The following AP1S3 variants were observed in gnomAD, a reference collection of about 807,000 sequenced individuals.
The protein encoded by AP1S3 is AP-1 complex subunit sigma-3.
Under a neutral mutation model 20.9 loss-of-function variants are expected in AP1S3, and 10 were observed. The ratio of observed to expected loss-of-function variants is 0.48; its 90% CI spans 0.29 to 0.81. The LOEUF (loss-of-function observed/expected upper bound fraction) is 0.81, where lower values mean the gene tolerates loss of function less well. AP1S3 is among the 30% of genes least tolerant of loss of function. The pLI is 0.08. For synonymous variants in AP1S3, 41 were observed against 61.5 expected (o/e 0.67, Z 1.56); for missense variants, 154 against 183.8 (o/e 0.84, Z 0.94).
At chr2:223,812,724 G>A (rs918890139) in intron 1 of AP1S3, among the ~76,000 whole-genome samples, 1 of 152,116 alleles carries the variant, frequency 6.6e-6, no homozygotes, top group Admixed American at 6.5e-5. Context: ...AGGTATTCAG[G>A]GATTCCATAA....
intron 1 of AP1S3, among the ~76,000 whole-genome samples, chr2:223,795,344 G>A (rs969248629): frequency 2.0e-5 from 3 of 152,342 alleles, no homozygotes; most frequent in Admixed American, 1.3e-4. Flanking sequence ...CATGCTCTGG[G>A]TAGAAATAAG....
rs574514460 is a variant in AP1S3, at chr2:223,792,875, AAAAC to A, written c.4-15010_4-15007del. Among the ~76,000 whole-genome samples, 54 of 152,314 alleles carry A rather than the reference AAAAC, an allele frequency of 3.5e-4. No individual in the cohort carries two copies. The Middle Eastern group carries it at 0.014, about 38-fold the overall frequency. ...CAAGGAACTTAAACAAATTTACAAG[AAAAC>A]AAACAAACAAACAAACCCATTAAAG... On this transcript the variant is annotated intron_variant, in intron 1 of 4. Transcript: ENST00000396654.
At chr2:223,820,231 C>T (rs974663602) in intron 1 of AP1S3, among the ~76,000 whole-genome samples, 1 of 152,056 alleles carries the variant, frequency 6.6e-6, no homozygotes, top group African/African-American at 2.4e-5. Flanking sequence ...GTCTTTTTCC[C>T]AGTGATTTAC....
At chr2:223,777,399 A>C (rs753393644) in intron 2 of AP1S3, among the ~76,000 whole-genome samples, 3 of 151,994 alleles carry the variant, frequency 2.0e-5, no homozygotes, top group Non-Finnish European at 4.4e-5. Context: ...CGCCTCCAAC[A>C]AATTAAAAAA....
chr2:223,781,699 G>A (rs926962700), intron 1 of AP1S3, among the ~76,000 whole-genome samples: 1 of 151,994 alleles, frequency 6.6e-6, no homozygotes, highest in African/African-American at 2.4e-5. Context: ...GACACTCTAC[G>A]AGCATAAAAT....
At chr2:223,760,350 C>T (rs973877044) in intron 4 of AP1S3, among the ~76,000 whole-genome samples, 12 of 152,178 alleles carry the variant, frequency 7.9e-5, no homozygotes, top group Admixed American at 3.3e-4. Flanking sequence ...CTGAAGATAC[C>T]AAGGCTACTG....
At chr2:223,783,599 C>T (rs959410869) in intron 1 of AP1S3, among the ~76,000 whole-genome samples, 100 of 152,216 alleles carry the variant, frequency 6.6e-4, no homozygotes, top group Non-Finnish European at 2.9e-4. Context: ...GCTGAGTCTG[C>T]GCCCTGGCCG....
chr2:223,803,138 A>G (rs1170019184), intron 1 of AP1S3, among the ~76,000 whole-genome samples: 1 of 152,192 alleles, frequency 6.6e-6, no homozygotes, highest in Non-Finnish European at 1.5e-5. Flanking sequence ...ACTGAGTAAG[A>G]AGTGTTGTTT....
At chr2:223,776,373 G>A (rs1231484188) in intron 2 of AP1S3, among the ~76,000 whole-genome samples, 1 of 152,178 alleles carries the variant, frequency 6.6e-6, no homozygotes, top group South Asian at 2.1e-4. Context: ...GCTGTCAGGA[G>A]CCCACGCTCC....
intron 1 of AP1S3, among the ~76,000 whole-genome samples, chr2:223,807,040 A>C (rs540770385): frequency 6.6e-6 from 1 of 152,136 alleles, no homozygotes; most frequent in Non-Finnish European, 1.5e-5. Flanking sequence ...CCAAGGTGGG[A>C]GGATTGCTTG....
At chr2:223,781,355 C>T (rs1481538394) in intron 1 of AP1S3, among the ~76,000 whole-genome samples, 1 of 151,632 alleles carries the variant, frequency 6.6e-6, no homozygotes, top group Non-Finnish European at 1.5e-5. Flanking sequence ...TCATCAGCAG[C>T]TTTAAAAAAA....
At chr2:223,829,392 C>G (rs1343263042) in intron 1 of AP1S3, among the ~76,000 whole-genome samples, 1 of 151,970 alleles carries the variant, frequency 6.6e-6, no homozygotes, top group African/African-American at 2.4e-5. Flanking sequence ...TTTGGGAGAC[C>G]AAGGCGGGAG....
chr2:223,804,452 A>G (rs953685413), intron 1 of AP1S3, among the ~76,000 whole-genome samples: 1 of 152,114 alleles, frequency 6.6e-6, no homozygotes, highest in Non-Finnish European at 1.5e-5. Flanking sequence ...TAATCCCAGC[A>G]CCTTGGGAGG....
At position 223,788,534 on chromosome 2, in the gene AP1S3, A is replaced by G. The variant is rs184773655; in HGVS notation, c.4-10665T>C. 3.7e-3 allele frequency among the ~76,000 whole-genome samples: 562 copies of G among 150,552 alleles called. 8 individuals carry two copies. The highest frequency in any genetic ancestry group is 0.013 in the African/African-American group (525 of 41,056). ...TTTGGGAGGCTGAGGTGGGTGGATCACAAGTTCAGGAGATCGAGACCATCC... is the reference window on the plus strand; with the variant it reads ...TTTGGGAGGCTGAGGTGGGTGGATCGCAAGTTCAGGAGATCGAGACCATCC... On this transcript the variant is annotated intron_variant, in intron 1 of 4. Coordinates refer to ENST00000396654, the MANE Select transcript of AP1S3 (RefSeq NM_001039569.2).
chr2:223,786,709 C>G (rs1691086675), intron 1 of AP1S3, among the ~76,000 whole-genome samples: 1 of 152,026 alleles, frequency 6.6e-6, no homozygotes, highest in South Asian at 2.1e-4. Context: ...CAAAACCAGT[C>G]TGGGCAACAT....
chr2:223,828,699 C>T (rs12468846), intron 1 of AP1S3, among the ~76,000 whole-genome samples: 24,576 of 152,046 alleles, frequency 0.16, 2,543 homozygotes, highest in East Asian at 0.41. Flanking sequence ...TCTCTGAGGC[C>T]CAGACCCATG....
chr2:223,792,958 C>T (rs1691244015), intron 1 of AP1S3, among the ~76,000 whole-genome samples: 1 of 151,784 alleles, frequency 6.6e-6, no homozygotes, highest in Admixed American at 6.6e-5. Context: ...ATGTAGCCAA[C>T]AAACATGAAA....
chr2:223,811,138 G>A (rs972089301), intron 1 of AP1S3, among the ~76,000 whole-genome samples: 1 of 151,476 alleles, frequency 6.6e-6, no homozygotes, highest in African/African-American at 2.4e-5. Flanking sequence ...TGTTGCCCAG[G>A]CTGGAGTGCA....
chr2:223,781,764 G>A (rs1037352243), intron 1 of AP1S3, among the ~76,000 whole-genome samples: 5 of 152,044 alleles, frequency 3.3e-5, no homozygotes, highest in Admixed American at 6.6e-5. Context: ...ATCACGGTGC[G>A]TAAGATTATT....
Sources: allele counts gnomAD v4.1 joint callset (sites outside exome capture counted in the v4.1 genomes callset), GRCh38; gene constraint gnomAD v4.1.1; transcripts MANE v1.5; gene names NCBI Gene and HGNC (gene_info 2026-07-23, HGNC 2026-07-21).